The following LRRC7 variants were observed in gnomAD, a reference collection of about 807,000 sequenced individuals.
LRRC7 encodes the protein leucine rich repeat containing 7.
In LRRC7, 23 loss-of-function variants were observed where a neutral mutation model predicts 175.7. The ratio of observed to expected loss-of-function variants is 0.13; its 90% CI spans 0.09 to 0.19. The LOEUF is 0.19. LRRC7 is among the 10% of genes least tolerant of loss of function. LRRC7 has a pLI of 1.00. For missense variants in LRRC7, 1,354 were observed against 1,904.7 expected, an observed-to-expected ratio of 0.71 and a Z score of 5.38; for synonymous variants, 685 against 680.9, an observed-to-expected ratio of 1.01 and a Z score of -0.09.
chr1:69,762,748 T>C lies in LRRC7; in HGVS notation c.303+2355T>C, dbSNP rs192302053. Among the ~76,000 whole-genome samples, 241 of 152,192 alleles carry C rather than the reference T, an allele frequency of 1.6e-3. 3 individuals are homozygous for C. The highest frequency in any genetic ancestry group is 3.6e-3 in the Admixed American group (55 of 15,258). On this transcript the variant is annotated intron_variant, in intron 3 of 26. Coordinates refer to ENST00000651989, the MANE Select transcript of LRRC7 (RefSeq NM_001370785.2). The stretch of plus-strand genomic sequence containing the variant: ...TAGGCTTGGAAGAGAAATTTTAAGA[T>C]ATTTTGTCTGTTTGGTTAGTTAAAA...
At chr1:69,815,434 T>C (rs1678472356) in intron 4 of LRRC7, among the ~76,000 whole-genome samples, 1 of 152,206 alleles carries the variant, frequency 6.6e-6, no homozygotes, top group African/African-American at 2.4e-5. Context: ...GCTGTGTCTT[T>C]TTTTTGGAAT....
At chr1:69,845,474 T>A (rs1316533635) in intron 7 of LRRC7, among the ~76,000 whole-genome samples, 1 of 152,130 alleles carries the variant, frequency 6.6e-6, no homozygotes, top group East Asian at 1.9e-4. Flanking sequence ...ATAAGATTAC[T>A]CCATAGACAG....
intron 1 of LRRC7, among the ~76,000 whole-genome samples, chr1:69,673,672 A>G (rs1362697095): frequency 7.2e-5 from 11 of 152,254 alleles, no homozygotes; most frequent in Admixed American, 6.5e-4. Flanking sequence ...AGTTTCAGTT[A>G]TATAATAATT....
chr1:69,797,817 G>T (rs1675970951), intron 4 of LRRC7, among the ~76,000 whole-genome samples: 1 of 152,146 alleles, frequency 6.6e-6, no homozygotes, highest in South Asian at 2.1e-4. Flanking sequence ...AGAATGTAGA[G>T]TTCCTAACAC....
intron 5 of LRRC7, among the ~76,000 whole-genome samples, chr1:69,829,406 A>C (rs985354407): frequency 6.6e-6 from 1 of 151,864 alleles, no homozygotes; most frequent in African/African-American, 2.4e-5. Context: ...ACATTCATGT[A>C]ATCAAATCAG....
chr1:69,826,540 T>C (rs937427972), intron 5 of LRRC7, among the ~76,000 whole-genome samples: 2 of 152,120 alleles, frequency 1.3e-5, no homozygotes, highest in African/African-American at 2.4e-5. Context: ...AATGTTAAAG[T>C]CACTTAATAA....
chr1:69,786,922 G>A (rs1293749501), intron 3 of LRRC7, among the ~76,000 whole-genome samples: 2 of 152,098 alleles, frequency 1.3e-5, no homozygotes, highest in African/African-American at 4.8e-5. Context: ...ACTCATTTCA[G>A]CATTAACTCA....
intron 8 of LRRC7, among the ~76,000 whole-genome samples, chr1:69,936,300 G>A (rs1024890535): frequency 2.6e-5 from 4 of 152,088 alleles, no homozygotes; most frequent in Admixed American, 2.0e-4. Context: ...TGATTACAAC[G>A]GCATTGACCC....
chr1:69,829,033 A>G (rs186393263), intron 5 of LRRC7, among the ~76,000 whole-genome samples: 2 of 152,098 alleles, frequency 1.3e-5, no homozygotes, highest in East Asian at 3.9e-4. Flanking sequence ...ATTCTATTTA[A>G]TGTTTATTGA....
chr1:69,650,446 T>A (rs1389821021), intron 1 of LRRC7, among the ~76,000 whole-genome samples: 4 of 147,120 alleles, frequency 2.7e-5, no homozygotes, highest in East Asian at 4.1e-4. Flanking sequence ...AGACTGAGGC[T>A]GGAGAATGGC....
chr1:69,814,111 A>G (rs1457402568), intron 4 of LRRC7, among the ~76,000 whole-genome samples: 1 of 152,108 alleles, frequency 6.6e-6, no homozygotes, highest in Admixed American at 6.6e-5. Flanking sequence ...AGGTTGATTA[A>G]TAAAAGTATG....
chr1:69,946,471 G>A (rs1570759890), intron 8 of LRRC7, among the ~76,000 whole-genome samples: 1 of 152,008 alleles, frequency 6.6e-6, no homozygotes, highest in Admixed American at 6.6e-5. Context: ...GATCTGGAAT[G>A]TTCTAGCCAT....
In LRRC7 at chr1:70,011,523, C is replaced by A. The variant is rs115873381; in HGVS notation, c.1005-274C>A. ...TCTGAACATCTGGCTACAAAGAACA[C>A]CTAAGTTGTAAACAAATGAAAAATT... On this transcript the variant is annotated intron_variant, in intron 11 of 26. Coordinates refer to ENST00000651989, the MANE Select transcript of LRRC7 (RefSeq NM_001370785.2). 5.3e-3 allele frequency among the ~76,000 whole-genome samples: 811 copies of A among 152,078 alleles called. 7 individuals carry two copies. Among genetic ancestry groups the A allele is most frequent in the African/African-American group, 0.019 (774 of 41,490 alleles).
chr1:69,966,093 T>G (rs1354000832), intron 8 of LRRC7, among the ~76,000 whole-genome samples: 6 of 152,260 alleles, frequency 3.9e-5, no homozygotes, highest in African/African-American at 1.4e-4. Context: ...CCTGAAATAT[T>G]GATGATCTCA....
chr1:69,863,792 A>G (rs937169940), intron 7 of LRRC7, among the ~76,000 whole-genome samples: 41 of 152,268 alleles, frequency 2.7e-4, no homozygotes, highest in Non-Finnish European at 1.5e-4. Flanking sequence ...CCACTCTGCC[A>G]CACTCCACTC....
chr1:69,663,064 A>G (rs1233912354), intron 1 of LRRC7, among the ~76,000 whole-genome samples: 1 of 152,098 alleles, frequency 6.6e-6, no homozygotes, highest in Non-Finnish European at 1.5e-5. Flanking sequence ...AGAGAAGACT[A>G]TTTATTATTA....
chr1:70,032,000 T>C (rs1658786143), intron 18 of LRRC7, among the ~76,000 whole-genome samples: 1 of 152,150 alleles, frequency 6.6e-6, no homozygotes, highest in Non-Finnish European at 1.5e-5. Context: ...TGTTTCACCA[T>C]GTTGGCCAGG....
rs2102246012 is a variant in LRRC7 at position 70,121,877 on chromosome 1, TTAC to T, written c.4720_4722del (p.Thr1574del). On this transcript the variant is annotated inframe_deletion, in exon 27 of 27. Coordinates refer to ENST00000651989, the MANE Select transcript of LRRC7 (RefSeq NM_001370785.2). ...GTAGACCTAGTTATTCAACGTGAGCTTACTGTCTAAATATTTTTTATAAATAGT... is the reference window on the plus strand; with the variant it reads ...GTAGACCTAGTTATTCAACGTGAGCTTGTCTAAATATTTTTTATAAATAGT... 2 of 1,595,758 alleles carry T rather than the reference TTAC, an allele frequency of 1.3e-6. No individual in the cohort carries two copies. The highest frequency in any genetic ancestry group is 4.5e-5 in the East Asian group (2 of 44,718).
chr1:69,717,134 C>A (rs1665455549), intron 2 of LRRC7, among the ~76,000 whole-genome samples: 1 of 150,236 alleles, frequency 6.7e-6, no homozygotes, highest in South Asian at 2.1e-4. Context: ...AGGACTTATT[C>A]AATAGTAATG....
Sources: gnomAD v4.1 joint callset for allele counts (sites outside exome capture counted in the v4.1 genomes callset) on GRCh38, gnomAD v4.1.1 for gene constraint, MANE v1.5 for transcripts, NCBI Gene and HGNC (gene_info 2026-07-23, HGNC 2026-07-21) for gene names.